The following COL5A1 variants were observed in gnomAD, a reference collection of about 807,000 sequenced individuals.
COL5A1 encodes collagen type V alpha 1 chain.
COL5A1 carries 16 observed loss-of-function variants against 263.7 expected under a neutral mutation model. The ratio of observed to expected loss-of-function variants is 0.06; its 90% CI spans 0.04 to 0.09. The LOEUF is 0.09. COL5A1 is among the 10% of genes least tolerant of loss of function. The pLI is 1.00. For missense variants in COL5A1, 2,036 were observed against 2,540.5 expected, an observed-to-expected ratio of 0.80 and a Z score of 4.27; for synonymous variants, 1,012 against 1,004.5, an observed-to-expected ratio of 1.01 and a Z score of -0.14.
At position 134,829,977 on chromosome 9, in the gene COL5A1, C is replaced by G; in HGVS notation, c.5069C>G (p.Ala1690Gly). Reference protein sequence around the residue: ...CVFPDKKSEGARITSWPKENP... With the variant: ...CVFPDKKSEGGRITSWPKENP... ...CCCACCTCCCCGCTGCATGTTTAGG[C>G]CAGAATCACTTCTTGGCCCAAAGAA... Residue 1690 changes from alanine to glycine, a missense_variant and splice_region_variant, in exon 64 of 66, where the codon GCC (alanine) becomes GGC (glycine). Ala to Gly is a moderately conservative substitution (Grantham distance 60). Coordinates refer to ENST00000371817, the MANE Select transcript of COL5A1 (RefSeq NM_000093.5). The G allele has an allele frequency of 6.2e-7, 1 of 1,613,298 alleles. No homozygotes were observed. Among genetic ancestry groups the G allele is most frequent in the Non-Finnish European group, 8.5e-7 (1 of 1,179,810 alleles).
chr9:134,649,238 G>T, intron 1 of COL5A1: 1 of 316,206 alleles, frequency 3.2e-6, no homozygotes. Context: ...ATCCATGTCA[G>T]ATAGTCCGAG....
chr9:134,786,218 C>T (rs1837453737), intron 31 of COL5A1, among the ~76,000 whole-genome samples, 170 bp downstream of exon 31: 1 of 151,850 alleles, frequency 6.6e-6, no homozygotes, highest in African/African-American at 2.4e-5. Context: ...GTTGTACCGC[C>T]AGGCCTCCTC....
chr9:134,779,672 C>T (rs1837181738), intron 27 of COL5A1, among the ~76,000 whole-genome samples: 1 of 152,208 alleles, frequency 6.6e-6, no homozygotes, highest in South Asian at 2.1e-4. Context: ...GGGGCATTGT[C>T]AGAGGCCATG....
chr9:134,773,627 G>A (rs956722581), intron 26 of COL5A1, among the ~76,000 whole-genome samples: 2 of 152,226 alleles, frequency 1.3e-5, no homozygotes, highest in African/African-American at 2.4e-5. Flanking sequence ...TTTATCTCTT[G>A]AAGCAGGGCC....
intron 9 of COL5A1, 160 bp downstream of exon 9, chr9:134,732,287 T>TC (rs2132643822): frequency 1.4e-6 from 1 of 734,406 alleles, no homozygotes. Flanking sequence ...GCACCACTTG[T>TC]CCCCAGGACT....
intron 42 of COL5A1, among the ~76,000 whole-genome samples, chr9:134,808,732 T>G (rs1564472993): frequency 6.6e-6 from 1 of 152,146 alleles, no homozygotes; most frequent in African/African-American, 2.4e-5. Flanking sequence ...ATGCATGTCC[T>G]TGTGTGTGTG....
chr9:134,813,943 G>A (rs1353829367), intron 48 of COL5A1, 40 bp from the exon 49 acceptor site: 1 of 1,548,328 alleles, frequency 6.5e-7, no homozygotes, highest in Non-Finnish European at 8.7e-7. Flanking sequence ...GTTCATCGCG[G>A]TGCTCACCGC....
intron 4 of COL5A1, among the ~76,000 whole-genome samples, chr9:134,720,010 G>A (rs1003019580): frequency 1.3e-5 from 2 of 152,120 alleles, no homozygotes; most frequent in Non-Finnish European, 2.9e-5. Flanking sequence ...CTGAGGTCGT[G>A]GTCAGGCTGC....
At chr9:134,730,160 C>T in intron 6 of COL5A1, 76 bp from the exon 7 acceptor site, 1 of 1,590,808 alleles carries the variant, frequency 6.3e-7, no homozygotes, top group South Asian at 1.1e-5. Flanking sequence ...TGCACCCGGA[C>T]ATGCGGCAAG....
chr9:134,681,622 A>C lies in COL5A1; in HGVS notation c.110-9290A>C, dbSNP rs1182155231. Among the ~76,000 whole-genome samples, 1 of 151,722 alleles carries C rather than the reference A, an allele frequency of 6.6e-6. No individual in the cohort carries two copies. Among genetic ancestry groups the C allele is most frequent in the Admixed American group, 6.6e-5 (1 of 15,242 alleles). On this transcript the variant is annotated intron_variant, in intron 1 of 65. Coordinates refer to ENST00000371817, the MANE Select transcript of COL5A1 (RefSeq NM_000093.5). The surrounding 1 kb of genome is among the most constrained non-coding windows in gnomAD (Gnocchi z 4.3). ...TGGGGTGGACTGGGCACTGAGGGTG[A>C]CTCCCTTGCAGCCCCAGCATGGCAC...
chr9:134,772,080 C>A (rs1388496316), intron 25 of COL5A1, among the ~76,000 whole-genome samples: 1 of 152,180 alleles, frequency 6.6e-6, no homozygotes, highest in African/African-American at 2.4e-5. Flanking sequence ...TCACATGGGG[C>A]ATAGGTCCTC....
At chr9:134,649,291 G>A in intron 1 of COL5A1, 1 of 338,856 alleles carries the variant, frequency 3.0e-6, no homozygotes, top group Non-Finnish European at 5.8e-6. Context: ...AGTTTTTCTG[G>A]AGGAATCTCA....
intron 1 of COL5A1, among the ~76,000 whole-genome samples, chr9:134,672,833 A>G (rs1045435825): frequency 1.3e-5 from 2 of 152,244 alleles, no homozygotes; most frequent in African/African-American, 4.8e-5. Context: ...CAGAATACAA[A>G]GTCAATTTAC....
Position 134,684,202 on chromosome 9 carries a change from C to T in COL5A1, c.110-6710C>T, listed in dbSNP as rs140295304. On this transcript the variant is annotated intron_variant, in intron 1 of 65. Coordinates refer to ENST00000371817, the MANE Select transcript of COL5A1 (RefSeq NM_000093.5). ...TGCCTCTTCCTTGCTTCTGAGCCCT[C>T]GGAGGAGTGCTCGGGCACCAGTGGA... is the stretch of plus-strand genomic sequence containing the variant. 2.4e-4 allele frequency among the ~76,000 whole-genome samples: 37 copies of T among 152,350 alleles called. No homozygotes were observed. In the South Asian group the frequency reaches 6.8e-3, roughly 28 times the overall value.
At chr9:134,747,918 CAT>C (rs1346023864) in intron 11 of COL5A1, among the ~76,000 whole-genome samples, 19 of 147,820 alleles carry the variant, frequency 1.3e-4, no homozygotes, top group African/African-American at 4.7e-4. Context: ...CACATGCACA[CAT>C]GCATTCATAC....
Position 134,815,801 on chromosome 9 carries a change from C to G in COL5A1, c.4069-134C>G, listed in dbSNP as rs1588582908. 3 of 1,288,812 alleles carry G rather than the reference C, an allele frequency of 2.3e-6. No individual in the cohort carries two copies. In the East Asian group the frequency reaches 7.3e-5, roughly 31 times the overall value. The allele number at this position is 1,288,812 out of a possible 1,614,324, so 79.8% of individuals were successfully genotyped here. On this transcript the variant is annotated intron_variant, in intron 51 of 65. Coordinates refer to ENST00000371817, the MANE Select transcript of COL5A1 (RefSeq NM_000093.5). ...TCAGAGCAAGAAAACGCCTTTGACC[C>G]CACTGACCATGCTCTGTGCTGGCAC...
intron 7 of COL5A1, among the ~76,000 whole-genome samples, 176 bp downstream of exon 7, chr9:134,730,651 C>A (rs1428216358): frequency 2.0e-5 from 3 of 152,232 alleles, no homozygotes; most frequent in African/African-American, 7.2e-5. Flanking sequence ...CGTAATACTT[C>A]CCAGGGGAGG....
At chr9:134,771,153 G>C (rs1836853740) in intron 25 of COL5A1, among the ~76,000 whole-genome samples, 1 of 152,246 alleles carries the variant, frequency 6.6e-6, no homozygotes, top group Non-Finnish European at 1.5e-5. Context: ...GGAGAGGCCT[G>C]GGGGCTTCCT....
chr9:134,742,756 C>G lies in COL5A1; in HGVS notation c.1494+3948C>G, dbSNP rs1835345684. ...CGCATCCGGGAATATAGTGAGATATCAGTGGGTCTGAAATCATGAGGCTGT... is the reference window on the plus strand; with the variant it reads ...CGCATCCGGGAATATAGTGAGATATGAGTGGGTCTGAAATCATGAGGCTGT... On this transcript the variant is annotated intron_variant, in intron 11 of 65. Coordinates refer to ENST00000371817, the MANE Select transcript of COL5A1 (RefSeq NM_000093.5). This position sits in a 1 kb window ranked among gnomAD's most constrained non-coding sequence, Gnocchi z 4.6. Among the ~76,000 whole-genome samples, 1 of 152,220 alleles carries G rather than the reference C, an allele frequency of 6.6e-6. No individual in the cohort carries two copies. Among genetic ancestry groups the G allele is most frequent in the African/African-American group, 2.4e-5 (1 of 41,444 alleles).
Sources: gnomAD v4.1 joint callset for allele counts (sites outside exome capture counted in the v4.1 genomes callset) on GRCh38, gnomAD v4.1.1 for gene constraint, Gnocchi (gnomAD v3.1) non-coding constraint, MANE v1.5 for transcripts, NCBI Gene and HGNC (gene_info 2026-07-23, HGNC 2026-07-21) for gene names.